Variants in GRXCR1 observed in about 807,000 individuals in gnomAD.
The protein encoded by GRXCR1 is glutaredoxin domain-containing cysteine-rich protein 1.
A neutral mutation model predicts 27.3 loss-of-function variants in GRXCR1; 27 were observed. The observed-to-expected ratio is 0.99, with a 90% confidence interval of 0.73 to 1.37. The LOEUF is 1.37. Ranked by LOEUF, GRXCR1 falls within the 40% of genes most tolerant of loss-of-function variation. GRXCR1 has a pLI of 0.00. For synonymous variants in GRXCR1, 122 were observed against 131.1 expected, an observed-to-expected ratio of 0.93 and a Z score of 0.47; for missense variants, 379 against 354.4, an observed-to-expected ratio of 1.07 and a Z score of -0.56.
intron 1 of GRXCR1, among the ~76,000 whole-genome samples, chr4:42,916,088 A>G (rs549895292): frequency 9.7e-6 from 1 of 103,452 alleles, no homozygotes; most frequent in East Asian, 3.3e-4. Flanking sequence ...TACCTTTCTT[A>G]CATCATTTCA....
chr4:42,915,181 A>T (rs1746857923), intron 1 of GRXCR1, among the ~76,000 whole-genome samples: 1 of 152,124 alleles, frequency 6.6e-6, no homozygotes. Context: ...AGGCGGGGTA[A>T]ACCTGCGGTA....
intron 2 of GRXCR1, among the ~76,000 whole-genome samples, chr4:42,979,629 G>A (rs1166035177): frequency 6.6e-6 from 1 of 151,826 alleles, no homozygotes; most frequent in Non-Finnish European, 1.5e-5. Flanking sequence ...TTTTTGGAAT[G>A]TCCTAGTTTG....
chr4:43,000,710 T>G (rs79602184), intron 2 of GRXCR1, among the ~76,000 whole-genome samples: 3,486 of 152,048 alleles, frequency 0.023, 54 homozygotes, highest in Non-Finnish European at 0.038. Flanking sequence ...ATATATAGGC[T>G]TCCGTACCAT....
rs756630881 is a variant in GRXCR1 at position 42,893,420 on chromosome 4, A to G, written c.154A>G (p.Ile52Val). Residue 52 changes from isoleucine (I) to valine (V), a missense_variant, in exon 1 of 4, where the codon ATA becomes GTA. Transcript: ENST00000399770. The stretch of plus-strand genomic sequence containing the variant: ...TTCTGAATGTGCCAGTATCTGTGGG[A>G]TAGATGGACTAGGTGATTCCGATGG... ...LDSECASICG[I>V]DGLGDSDGQQ... is the part of the protein sequence containing the mutation. The G allele has an allele frequency of 3.1e-6, 5 of 1,613,730 alleles. No individual in the cohort carries two copies. The highest frequency in any genetic ancestry group is 3.4e-6 in the Non-Finnish European group (4 of 1,179,826).
intron 2 of GRXCR1, among the ~76,000 whole-genome samples, chr4:42,982,384 CTCA>C (rs1165827605): frequency 3.0e-5 from 4 of 132,182 alleles, no homozygotes; most frequent in Non-Finnish European, 6.4e-5. Flanking sequence ...AGGACATGAA[CTCA>C]TCATTTTTTA....
At chr4:42,987,238 TATAATATATAATA>T (rs1560676847) in intron 2 of GRXCR1, among the ~76,000 whole-genome samples, 37 of 63,606 alleles carry the variant, frequency 5.8e-4, no homozygotes, top group African/African-American at 1.5e-3. Flanking sequence ...ATTATATATA[TATAATATATAATA>T]TATATATATA....
At chr4:42,993,918 TA>T (rs1332692222) in intron 2 of GRXCR1, among the ~76,000 whole-genome samples, 1 of 152,146 alleles carries the variant, frequency 6.6e-6, no homozygotes, top group Non-Finnish European at 1.5e-5. Flanking sequence ...ATCTCTTTCA[TA>T]AATAAACGAG....
intron 1 of GRXCR1, among the ~76,000 whole-genome samples, chr4:42,957,480 T>A (rs1748032079): frequency 6.6e-6 from 1 of 151,970 alleles, no homozygotes; most frequent in South Asian, 2.1e-4. Context: ...GTTTGGAAAG[T>A]TCTCTGTCTT....
rs1263896166 is a variant in GRXCR1 at position 42,974,079 on chromosome 4, G to T, written c.627+10945G>T. Among the ~76,000 whole-genome samples, 3 of 152,128 alleles carry T rather than the reference G, an allele frequency of 2.0e-5. No individual in the cohort carries two copies. In the East Asian group the frequency reaches 5.8e-4, roughly 29 times the overall value. ...ACAGACCAATTGCACTGAGACAGCA[G>T]GGTTTGCAGCAGAGAAAGAGTTTAA... On this transcript the variant is annotated intron_variant, in intron 2 of 3. Coordinates refer to ENST00000399770, the MANE Select transcript of GRXCR1 (RefSeq NM_001080476.3).
At chr4:42,980,327 G>C (rs1401246216) in intron 2 of GRXCR1, among the ~76,000 whole-genome samples, 57 of 151,456 alleles carry the variant, frequency 3.8e-4, no homozygotes, top group African/African-American at 2.4e-5. Flanking sequence ...GTTAAGTTTT[G>C]GTATGTAGTG....
In GRXCR1 at chr4:42,969,604, A is replaced by C. The variant is rs114652631; in HGVS notation, c.627+6470A>C. ...GTGGGGAAATGCCACACACTTCCAA[A>C]CAACCAGATCTCGTGAGAACCTGCT... On this transcript the variant is annotated intron_variant, in intron 2 of 3. Transcript: ENST00000399770. Among the ~76,000 whole-genome samples, 551 of 152,220 alleles carry C rather than the reference A, an allele frequency of 3.6e-3. 5 individuals are homozygous for C. The highest frequency in any genetic ancestry group is 0.014 in the Middle Eastern group (4 of 294).
chr4:42,991,556 A>C lies in GRXCR1; in HGVS notation c.627+28422A>C, dbSNP rs13110717. Among the ~76,000 whole-genome samples the C allele has an allele frequency of 7.9e-5, 12 of 152,108 alleles. No individual in the cohort carries two copies. In the South Asian group the frequency reaches 2.5e-3, roughly 32 times the overall value. On this transcript the variant is annotated intron_variant, in intron 2 of 3. Transcript: ENST00000399770. Reference sequence around the variant, plus strand: ...AAGGGAACAAGGTGGGAGAGAGAGCATGTGAGGTAGTTGCAACAATAAACT... The same window carrying C: ...AAGGGAACAAGGTGGGAGAGAGAGCCTGTGAGGTAGTTGCAACAATAAACT...
Position 43,030,410 on chromosome 4 carries a change from T to C in GRXCR1, c.743T>C (p.Leu248Pro). Residue 248 changes from leucine to proline, a missense_variant, in exon 4 of 4, where the codon CTT (leucine) becomes CCT (proline). Physicochemically the swap from Leu to Pro is moderately conservative, Grantham distance 98 (BLOSUM62 -3). Transcript: ENST00000399770. ...CCCTCTTGTGGAGGCTTTGGCTTTC[T>C]TCCATGCTCCGTGTGCCATGGGAGC... ...ECPSCGGFGFLPCSVCHGSKM... is the reference protein window; with the variant it reads ...ECPSCGGFGFPPCSVCHGSKM... 6.2e-7 allele frequency: 1 copy of C among 1,614,094 alleles called. No homozygotes were observed. The highest frequency in any genetic ancestry group is 8.5e-7 in the Non-Finnish European group (1 of 1,179,998).
chr4:42,968,099 T>C (rs1748292005), intron 2 of GRXCR1, among the ~76,000 whole-genome samples: 1 of 152,126 alleles, frequency 6.6e-6, no homozygotes, highest in African/African-American at 2.4e-5. Context: ...AGTGAAGCTC[T>C]TTACTCTCTA....
At chr4:42,970,802 C>A (rs1748367004) in intron 2 of GRXCR1, among the ~76,000 whole-genome samples, 1 of 152,284 alleles carries the variant, frequency 6.6e-6, no homozygotes, top group South Asian at 2.1e-4. Flanking sequence ...ATGCAAATTT[C>A]TTCAGCCAGC....
chr4:43,024,297 A>G (rs867168515), intron 3 of GRXCR1, among the ~76,000 whole-genome samples: 13 of 148,018 alleles, frequency 8.8e-5, no homozygotes, highest in Middle Eastern at 7.4e-3. Flanking sequence ...CCGAGCAAAG[A>G]TTCCCGGCTA....
At chr4:43,026,392 A>G (rs528014337) in intron 3 of GRXCR1, among the ~76,000 whole-genome samples, 6 of 152,206 alleles carry the variant, frequency 3.9e-5, no homozygotes, top group African/African-American at 1.2e-4. Context: ...AATAGCATAA[A>G]TTGTGCTGGA....
chr4:42,962,204 G>C (rs1748142701), intron 1 of GRXCR1, among the ~76,000 whole-genome samples: 1 of 151,892 alleles, frequency 6.6e-6, no homozygotes, highest in African/African-American at 2.4e-5. Context: ...CTCCCCTCCA[G>C]TGTGTCTGAT....
chr4:42,897,941 ATTATTATTATTATTATTC>A (rs879531327), intron 1 of GRXCR1, among the ~76,000 whole-genome samples: 8,461 of 55,624 alleles, frequency 0.15, 327 homozygotes, highest in Middle Eastern at 0.24. Flanking sequence ...TATTATTATT[ATTATTATTATTATTATTC>A]TTATTATGTC....
Sources: allele counts gnomAD v4.1 joint callset (sites outside exome capture counted in the v4.1 genomes callset), GRCh38; gene constraint gnomAD v4.1.1; transcripts MANE v1.5; gene names NCBI Gene and HGNC (gene_info 2026-07-23, HGNC 2026-07-21).